Variants in THRB observed in about 807,000 individuals in gnomAD.
THRB encodes the protein nuclear receptor subfamily 1 group A member 2.
A neutral mutation model predicts 47.8 loss-of-function variants in THRB; 12 were observed. That is an observed-to-expected ratio of 0.25 (90% CI 0.16 to 0.41). The LOEUF (loss-of-function observed/expected upper bound fraction) is 0.41, where lower values mean the gene tolerates loss of function less well. Among genes scored for constraint, THRB ranks in the 10% least tolerant of loss-of-function variants. The pLI is 1.00. For missense variants in THRB, 348 were observed against 589.2 expected (o/e 0.59, Z 4.24); for synonymous variants, 218 against 212.2 (o/e 1.03, Z -0.24).
At chr3:24,259,526 G>C (rs1203305745) in intron 3 of THRB, among the ~76,000 whole-genome samples, 1 of 149,984 alleles carries the variant, frequency 6.7e-6, no homozygotes, top group Non-Finnish European at 1.5e-5. Context: ...TGAAGGGTCA[G>C]AAAGAATTCA....
At chr3:24,178,884 A>T (rs2041530627) in intron 5 of THRB, among the ~76,000 whole-genome samples, 2 of 152,232 alleles carry the variant, frequency 1.3e-5, no homozygotes, top group Non-Finnish European at 2.9e-5. Context: ...TAGATATGTT[A>T]ATTAGCTTGA....
rs2062605229 is a variant in THRB, at chr3:24,341,031, C to T, written c.-260-3660G>A. Among the ~76,000 whole-genome samples, 3 of 151,832 alleles carry T rather than the reference C, an allele frequency of 2.0e-5. No homozygotes were observed. The South Asian group carries it at 6.2e-4, about 32-fold the overall frequency. ...CATGGTTTTCTGCTACGTTGGTGGA[C>T]ATTTTTTTATTGACAAGCCATCACA... On this transcript the variant is annotated intron_variant, in intron 1 of 10. Transcript: ENST00000646209.
At chr3:24,393,402 C>T (rs1252319530) in intron 1 of THRB, among the ~76,000 whole-genome samples, 1 of 152,066 alleles carries the variant, frequency 6.6e-6, no homozygotes, top group Non-Finnish European at 1.5e-5. Flanking sequence ...AATACTCCTG[C>T]TGAACAATTA....
chr3:24,454,643 G>A (rs1391394571), intron 1 of THRB, among the ~76,000 whole-genome samples: 5 of 152,152 alleles, frequency 3.3e-5, no homozygotes, highest in Admixed American at 3.3e-4. Context: ...CTTTTGATAG[G>A]AGAAGATAAG....
intron 1 of THRB, among the ~76,000 whole-genome samples, chr3:24,395,519 C>T (rs754684612): frequency 5.3e-5 from 8 of 151,994 alleles, no homozygotes; most frequent in Non-Finnish European, 1.0e-4. Flanking sequence ...CATAAAAAGA[C>T]GTTCAACTTG....
At chr3:24,289,852 T>C (rs1054488646) in intron 3 of THRB, among the ~76,000 whole-genome samples, 4 of 152,202 alleles carry the variant, frequency 2.6e-5, no homozygotes, top group African/African-American at 7.2e-5. Context: ...CCTCAGAGTA[T>C]TGGGATGTTC....
At chr3:24,364,962 C>G (rs1447168514) in intron 1 of THRB, among the ~76,000 whole-genome samples, 2 of 152,094 alleles carry the variant, frequency 1.3e-5, no homozygotes, top group African/African-American at 2.4e-5. Context: ...TTTTTCATAT[C>G]AGAATGCCCA....
At chr3:24,410,463 A>G (rs2068196583) in intron 1 of THRB, among the ~76,000 whole-genome samples, 2 of 151,992 alleles carry the variant, frequency 1.3e-5, no homozygotes, top group African/African-American at 4.8e-5. Flanking sequence ...TACATTTTGT[A>G]TAACACATAC....
intron 2 of THRB, among the ~76,000 whole-genome samples, chr3:24,313,535 G>A (rs2057902561): frequency 6.6e-6 from 1 of 152,106 alleles, no homozygotes; most frequent in African/African-American, 2.4e-5. Flanking sequence ...TGAAAAATAT[G>A]TTTCTCTCTA....
At chr3:24,210,962 G>A (rs887720439) in intron 4 of THRB, among the ~76,000 whole-genome samples, 1 of 152,122 alleles carries the variant, frequency 6.6e-6, no homozygotes, top group African/African-American at 2.4e-5. Context: ...ACTTTGGGAG[G>A]CTGAAGCGGG....
At chr3:24,155,500 C>T (rs1682569327) in intron 5 of THRB, among the ~76,000 whole-genome samples, 1 of 152,196 alleles carries the variant, frequency 6.6e-6, no homozygotes, top group Non-Finnish European at 1.5e-5. Context: ...TAAATAACTT[C>T]CATCAGGGAA....
intron 3 of THRB, among the ~76,000 whole-genome samples, chr3:24,283,596 G>A (rs1468880312): frequency 2.7e-5 from 4 of 148,310 alleles, no homozygotes; most frequent in Non-Finnish European, 4.4e-5. Context: ...CAATTAGGCA[G>A]GAGAAGGAAA....
intron 4 of THRB, among the ~76,000 whole-genome samples, chr3:24,217,275 T>C (rs1240019098): frequency 2.0e-5 from 3 of 151,898 alleles, no homozygotes; most frequent in Non-Finnish European, 2.9e-5. Context: ...CCAAGGGAAG[T>C]TGTACAATAA....
chr3:24,402,613 G>A (rs2067506745), intron 1 of THRB, among the ~76,000 whole-genome samples: 2 of 148,276 alleles, frequency 1.3e-5, no homozygotes, highest in South Asian at 4.2e-4. Flanking sequence ...AATATAAAAT[G>A]TATCAATTAA....
chr3:24,166,687 G>C (rs1398313288), intron 5 of THRB, among the ~76,000 whole-genome samples: 1 of 152,094 alleles, frequency 6.6e-6, no homozygotes, highest in Non-Finnish European at 1.5e-5. Context: ...GATTCCTTCC[G>C]TTTCTTAGGC....
At chr3:24,253,741 C>G (rs1216145500) in intron 3 of THRB, among the ~76,000 whole-genome samples, 7 of 152,120 alleles carry the variant, frequency 4.6e-5, no homozygotes, top group Admixed American at 4.6e-4. Flanking sequence ...TTAAAGAAAA[C>G]CACTACGGTG....
At chr3:24,469,667 T>C (rs903166830) in intron 1 of THRB, among the ~76,000 whole-genome samples, 22 of 152,194 alleles carry the variant, frequency 1.4e-4, no homozygotes, top group Non-Finnish European at 2.9e-4. Context: ...TACAATGAGG[T>C]GTAAGAAAAC....
intron 1 of THRB, among the ~76,000 whole-genome samples, chr3:24,360,529 G>A (rs1269885828): frequency 1.3e-5 from 2 of 152,154 alleles, no homozygotes; most frequent in Admixed American, 6.5e-5. Context: ...ATCCCATGGA[G>A]AACTGCTTTT....
At chr3:24,487,631 G>A (rs933998098) in intron 1 of THRB, among the ~76,000 whole-genome samples, 1 of 152,252 alleles carries the variant, frequency 6.6e-6, no homozygotes, top group Admixed American at 6.5e-5. Context: ...TTGTGGCTTG[G>A]GACATCAGGG....
Sources: gnomAD v4.1 joint callset for allele counts (sites outside exome capture counted in the v4.1 genomes callset) on GRCh38, gnomAD v4.1.1 for gene constraint, MANE v1.5 for transcripts, NCBI Gene and HGNC (gene_info 2026-07-23, HGNC 2026-07-21) for gene names.